The following TLE4 variants were observed in gnomAD, a reference collection of about 807,000 sequenced individuals.
The protein encoded by TLE4 is TLE family member 4, transcriptional corepressor, also known as transducin-like enhancer protein 4.
A neutral mutation model predicts 92.8 loss-of-function variants in TLE4; 8 were observed. The observed-to-expected ratio is 0.09, with a 90% CI of 0.05 to 0.16. The LOEUF (loss-of-function observed/expected upper bound fraction) is 0.16. Among genes scored for constraint, TLE4 ranks in the 10% least tolerant of loss-of-function variants. TLE4 has a pLI of 1.00. For missense variants in TLE4, 675 were observed against 997.6 expected (o/e 0.68, Z 4.36); for synonymous variants, 371 against 374.1 (o/e 0.99, Z 0.10).
At chr9:79,687,959 C>T (rs536257451) in intron 8 of TLE4, among the ~76,000 whole-genome samples, 1 of 152,224 alleles carries the variant, frequency 6.6e-6, no homozygotes, top group African/African-American at 2.4e-5. Flanking sequence ...TCTAACAAGC[C>T]CTCAGGAGAT....
chr9:79,718,652 C>T, intron 14 of TLE4, 70 bp from the exon 15 acceptor site: 1 of 1,522,196 alleles, frequency 6.6e-7, no homozygotes, highest in Non-Finnish European at 8.9e-7. Flanking sequence ...TTTCTCATCT[C>T]ATTACACTGA....
chr9:79,705,776 T>G, intron 9 of TLE4, 113 bp from the exon 10 acceptor site: 1 of 1,040,992 alleles, frequency 9.6e-7, no homozygotes, highest in Non-Finnish European at 1.5e-6. Flanking sequence ...TATTTAACAC[T>G]GTTTGGTACA....
chr9:79,642,620 C>T (rs1365117702), intron 6 of TLE4, among the ~76,000 whole-genome samples: 6 of 151,990 alleles, frequency 3.9e-5, no homozygotes, highest in African/African-American at 1.5e-4. Flanking sequence ...TATTAATTTG[C>T]TTAGAAGTAC....
At chr9:79,691,681 G>A (rs758896752) in intron 8 of TLE4, among the ~76,000 whole-genome samples, 1 of 152,090 alleles carries the variant, frequency 6.6e-6, no homozygotes, top group Non-Finnish European at 1.5e-5. Flanking sequence ...AGCTATGCAT[G>A]TGTTATTCCC....
chr9:79,677,112 T>C (rs950356384), intron 8 of TLE4, among the ~76,000 whole-genome samples: 1 of 152,238 alleles, frequency 6.6e-6, no homozygotes, highest in Non-Finnish European at 1.5e-5. Context: ...AACTAGATTC[T>C]TTTTAATAGT....
At chr9:79,648,946 G>A (rs2058506846) in intron 6 of TLE4, among the ~76,000 whole-genome samples, 1 of 152,092 alleles carries the variant, frequency 6.6e-6, no homozygotes, top group Admixed American at 6.5e-5. Flanking sequence ...AGCTAAAGGA[G>A]AAAAAATCAA....
At chr9:79,594,305 G>A (rs2043407854) in intron 4 of TLE4, among the ~76,000 whole-genome samples, 1 of 152,176 alleles carries the variant, frequency 6.6e-6, no homozygotes, top group Non-Finnish European at 1.5e-5. Context: ...GAGTAGCAAG[G>A]AGCCAAAACA....
intron 8 of TLE4, chr9:79,668,806 A>G (rs974184005): frequency 2.0e-6 from 2 of 985,182 alleles, no homozygotes; most frequent in African/African-American, 3.5e-5. Flanking sequence ...ACTCTTTTGT[A>G]TATTCAAATG....
At chr9:79,578,097 C>A (rs2038483681) in intron 4 of TLE4, among the ~76,000 whole-genome samples, 1 of 152,090 alleles carries the variant, frequency 6.6e-6, no homozygotes, top group East Asian at 1.9e-4. Flanking sequence ...CTTTCTTTCT[C>A]CCCCTTAAGC....
At chr9:79,646,466 A>G (rs957099004) in intron 6 of TLE4, among the ~76,000 whole-genome samples, 3 of 152,224 alleles carry the variant, frequency 2.0e-5, no homozygotes, top group African/African-American at 2.4e-5. Flanking sequence ...ATAGAAATAT[A>G]TTTTTAATGA....
intron 5 of TLE4, among the ~76,000 whole-genome samples, chr9:79,618,171 G>C (rs930363944): frequency 2.0e-5 from 3 of 152,162 alleles, no homozygotes; most frequent in African/African-American, 7.2e-5. Flanking sequence ...AGGGATACTG[G>C]GGGACAACTG....
At chr9:79,580,068 G>A (rs1343331637) in intron 4 of TLE4, 1 of 152,188 alleles carries the variant, frequency 6.6e-6, no homozygotes, top group Non-Finnish European at 1.5e-5. Flanking sequence ...AGTATTGCAG[G>A]TTGTTAAGAA....
chr9:79,682,055 C>T (rs1005985443), intron 8 of TLE4, among the ~76,000 whole-genome samples: 2 of 151,990 alleles, frequency 1.3e-5, no homozygotes, highest in African/African-American at 2.4e-5. Context: ...CACTCAGATT[C>T]AGCACATTGG....
At chr9:79,623,168 C>A (rs2051481489) in intron 5 of TLE4, among the ~76,000 whole-genome samples, 1 of 151,688 alleles carries the variant, frequency 6.6e-6, no homozygotes. Context: ...CTCATTTATT[C>A]CTTAGGGGAG....
At chr9:79,696,157 A>T (rs1250162161) in intron 8 of TLE4, among the ~76,000 whole-genome samples, 1 of 152,228 alleles carries the variant, frequency 6.6e-6, no homozygotes, top group Non-Finnish European at 1.5e-5. Context: ...ACTAAAAAAA[A>T]TGTAAAATGT....
At chr9:79,642,380 C>T (rs1277509347) in intron 6 of TLE4, among the ~76,000 whole-genome samples, 3 of 151,804 alleles carry the variant, frequency 2.0e-5, no homozygotes, top group South Asian at 2.1e-4. Context: ...CTCAGCCTCC[C>T]GAGTAGCTGG....
chr9:79,719,222 C>T lies in TLE4; in HGVS notation c.1590+251C>T, dbSNP rs1341078094. On this transcript the variant is annotated intron_variant, in intron 15 of 19. Coordinates refer to ENST00000376552, the MANE Select transcript of TLE4 (RefSeq NM_007005.6). ...CTGCCTCCCATGGGAAAAGGCAAAC[C>T]GCTTGTTTTCCTCTCTGATGGTTAA... is the stretch of plus-strand genomic sequence containing the variant. 4.6e-5 allele frequency among the ~76,000 whole-genome samples: 7 copies of T among 152,032 alleles called. No homozygotes were observed. In the South Asian group the frequency reaches 8.3e-4, roughly 18 times the overall value.
At chr9:79,654,919 G>A (rs1296405805) in intron 8 of TLE4, among the ~76,000 whole-genome samples, 4 of 152,136 alleles carry the variant, frequency 2.6e-5, no homozygotes, top group African/African-American at 7.2e-5. Flanking sequence ...CGAGGTGGGC[G>A]GATCGTGAGG....
chr9:79,665,871 T>A (rs972261094), intron 8 of TLE4, among the ~76,000 whole-genome samples: 2 of 152,234 alleles, frequency 1.3e-5, no homozygotes, highest in Non-Finnish European at 2.9e-5. Context: ...AGAGTATTTT[T>A]AAAAATTGCC....
Sources: gnomAD v4.1 joint callset for allele counts (sites outside exome capture counted in the v4.1 genomes callset) on GRCh38, gnomAD v4.1.1 for gene constraint, MANE v1.5 for transcripts, NCBI Gene and HGNC (gene_info 2026-07-23, HGNC 2026-07-21) for gene names.